The following RPL21 variants were observed in gnomAD, a reference collection of about 807,000 sequenced individuals.
The protein encoded by RPL21 is large ribosomal subunit protein eL21.
A neutral mutation model predicts 21.2 loss-of-function variants in RPL21; 1 was observed. The ratio of observed to expected loss-of-function variants is 0.05; its 90% CI spans 0.02 to 0.22. RPL21 has a LOEUF of 0.22. RPL21 is among the 10% of genes least tolerant of loss of function. RPL21 has a pLI of 1.00. For synonymous variants in RPL21, 52 were observed against 62.9 expected, an observed-to-expected ratio of 0.83 and a Z score of 0.82; for missense variants, 113 against 199.4, an observed-to-expected ratio of 0.57 and a Z score of 2.61.
chr13:27,256,323 C>T lies in RPL21; in HGVS notation c.382C>T (p.Leu128=). The T allele has an allele frequency of 6.2e-7, 1 of 1,610,682 alleles. No homozygotes were observed. Among genetic ancestry groups the T allele is most frequent in the Non-Finnish European group, 8.5e-7 (1 of 1,177,624 alleles). Residue 128 remains leucine (L), a synonymous_variant, in exon 5 of 6, where the codon CTA becomes TTA. Coordinates refer to ENST00000311549, the MANE Select transcript of RPL21 (RefSeq NM_000982.4). ...CAAAGAGAAAGGTACCTGGGTTCAA[C>T]TAAAGCGCCAGGTAAGAATTTGGTG... ...EAKEKGTWVQ[L]KRQPAPPREA...
rs149231578 is a variant in RPL21 at position 27,256,157 on chromosome 13, A to G, written c.243-27A>G. ...ATTTCTGTTATATTTTTGTTAAAGC[A>G]CTTAAAAGAATTTCTGCTCTGTCCA... is the stretch of plus-strand genomic sequence containing the variant. On this transcript the variant is annotated intron_variant, in intron 4 of 5. Transcript: ENST00000311549. The G allele has an allele frequency of 4.0e-5, 62 of 1,559,286 alleles. No homozygotes were observed. The African/African-American group carries it at 7.0e-4, about 18-fold the overall frequency.
intron 1 of RPL21, among the ~76,000 whole-genome samples, chr13:27,252,018 G>A (rs951333677): frequency 3.3e-5 from 5 of 152,140 alleles, no homozygotes; most frequent in African/African-American, 9.7e-5. Context: ...TTGCGATGAT[G>A]TTGGGTGAGG....
chr13:27,253,971 C>A, intron 2 of RPL21, 128 bp downstream of exon 2: 1 of 727,974 alleles, frequency 1.4e-6, no homozygotes, highest in Non-Finnish European at 2.5e-6. Flanking sequence ...CAGCTTATTT[C>A]GTGATAAGGT....
At chr13:27,253,647 C>G in intron 1 of RPL21, 118 bp from the exon 2 acceptor site, 1 of 698,922 alleles carries the variant, frequency 1.4e-6, no homozygotes, top group Non-Finnish European at 2.7e-6. Context: ...GCTTGGTGAT[C>G]CAGCTTTCAG....
chr13:27,255,077 CTG>C lies in RPL21; in HGVS notation c.130-163_130-162del, dbSNP rs544369675. On this transcript the variant is annotated intron_variant, in intron 3 of 5. Coordinates refer to ENST00000311549, the MANE Select transcript of RPL21 (RefSeq NM_000982.4). ...TCTTGGCACTCGAGCTTAATGATGA[CTG>C]TTTTTTTTGATTGCTTGAAGCAATG... The C allele has an allele frequency of 8.1e-4, 624 of 766,788 alleles. 13 individuals carry two copies. The highest frequency in any genetic ancestry group is 7.4e-3 in the South Asian group (544 of 73,700). The allele number at this position is 766,788 out of a possible 1,614,324, so 47.5% of individuals were successfully genotyped here.
intron 4 of RPL21, 186 bp downstream of exon 4, chr13:27,255,540 C>T (rs758894685): frequency 2.3e-5 from 17 of 751,970 alleles, no homozygotes; most frequent in Non-Finnish European, 3.7e-5. Flanking sequence ...AATAGATTTA[C>T]TGGAAAGTCT....
intron 1 of RPL21, 101 bp from the exon 2 acceptor site, chr13:27,253,664 G>C: frequency 2.7e-6 from 2 of 727,730 alleles, no homozygotes; most frequent in Non-Finnish European, 5.1e-6. Context: ...TCAGTTTGCA[G>C]TTCTCACTTC....
chr13:27,255,595 G>A (rs146807336), intron 4 of RPL21: 204 of 639,866 alleles, frequency 3.2e-4, no homozygotes, highest in Middle Eastern at 1.9e-3. Flanking sequence ...GTTTCGAGAC[G>A]GAGTCTTGCT....
chr13:27,251,885 G>A (rs1881664275), intron 1 of RPL21: 2 of 152,250 alleles, frequency 1.3e-5, no homozygotes, highest in Admixed American at 6.5e-5. Flanking sequence ...AAAAGACTTC[G>A]TTTTATGTTC....
chr13:27,255,182 T>TA (rs1881840217), intron 3 of RPL21, 60 bp from the exon 4 acceptor site: 4 of 809,162 alleles, frequency 4.9e-6, no homozygotes, highest in Non-Finnish European at 9.0e-6. Flanking sequence ...TGCAGTTACT[T>TA]AAAGTCAGAA....
intron 1 of RPL21, among the ~76,000 whole-genome samples, chr13:27,252,497 T>A (rs1029668488): frequency 3.9e-5 from 6 of 152,180 alleles, no homozygotes; most frequent in African/African-American, 1.4e-4. Flanking sequence ...GGGTCCATGC[T>A]TAAAATGGAT....
rs768755560 is a variant in RPL21, at chr13:27,255,228, G to T, written c.130-14G>T. 13 of 1,022,982 alleles carry T rather than the reference G, an allele frequency of 1.3e-5. No individual in the cohort carries two copies. Among genetic ancestry groups the T allele is most frequent in the Non-Finnish European group, 2.0e-5 (13 of 640,146 alleles). 63.4% of individuals were successfully genotyped at this position (1,022,982 alleles called of 1,614,324 possible). ...AGGGGAAATGCTGGTATATAACATT[G>T]GTTTCTTTAATAGGGAATGGGTACT... On this transcript the variant is annotated splice_polypyrimidine_tract_variant and intron_variant, in intron 3 of 5. Transcript: ENST00000311549.
intron 1 of RPL21, among the ~76,000 whole-genome samples, chr13:27,252,281 T>TA (rs1881688481): frequency 6.6e-6 from 1 of 152,180 alleles, no homozygotes; most frequent in African/African-American, 2.4e-5. Context: ...CAAGAGGAGA[T>TA]ACTGTTTTGC....
At chr13:27,252,550 TGGAA>T (rs1881701060) in intron 1 of RPL21, among the ~76,000 whole-genome samples, 1 of 152,208 alleles carries the variant, frequency 6.6e-6, no homozygotes, top group African/African-American at 2.4e-5. Flanking sequence ...TTATGGGCTC[TGGAA>T]TCAGGAATGA....
intron 3 of RPL21, 52 bp from the exon 4 acceptor site, chr13:27,255,190 G>A (rs1026444697): frequency 4.8e-6 from 4 of 828,600 alleles, no homozygotes; most frequent in East Asian, 2.4e-5. Context: ...CTTAAAGTCA[G>A]AATTTTAAAG....
chr13:27,255,635 G>A (rs1431763805), intron 4 of RPL21: 7 of 516,186 alleles, frequency 1.4e-5, no homozygotes, highest in South Asian at 3.3e-5. Flanking sequence ...GCAGTGGTGG[G>A]ATCTCTGCTC....
At chr13:27,253,970 T>C (rs1303431902) in intron 2 of RPL21, 127 bp downstream of exon 2, 12 of 734,236 alleles carry the variant, frequency 1.6e-5, no homozygotes, top group Non-Finnish European at 2.7e-5. Context: ...CCAGCTTATT[T>C]CGTGATAAGG....
chr13:27,253,952 G>A, intron 2 of RPL21, 109 bp downstream of exon 2: 1 of 768,956 alleles, frequency 1.3e-6, no homozygotes, highest in South Asian at 1.4e-5. Context: ...TAAATAACTA[G>A]CGTCTACCCA....
intron 1 of RPL21, among the ~76,000 whole-genome samples, chr13:27,252,365 C>G (rs1048634346): frequency 2.0e-5 from 3 of 152,124 alleles, no homozygotes; most frequent in African/African-American, 7.2e-5. Flanking sequence ...AGTTTGTGGA[C>G]GTCAACAGAG....
Sources: gnomAD v4.1 joint callset for allele counts (sites outside exome capture counted in the v4.1 genomes callset) on GRCh38, gnomAD v4.1.1 for gene constraint, MANE v1.5 for transcripts, NCBI Gene and HGNC (gene_info 2026-07-23, HGNC 2026-07-21) for gene names.